The following HMGB1 variants were observed in gnomAD, a reference collection of about 807,000 sequenced individuals.
The protein encoded by HMGB1 is high mobility group protein B1.
For missense variants in HMGB1, 79 were observed against 253.5 expected, an observed-to-expected ratio of 0.31 and a Z score of 4.67; for synonymous variants, 81 against 84.0, an observed-to-expected ratio of 0.96 and a Z score of 0.19.
intron 1 of HMGB1, chr13:30,465,040 G>C (rs1431485780): frequency 6.7e-6 from 3 of 446,212 alleles, no homozygotes; most frequent in Non-Finnish European, 8.8e-6. Flanking sequence ...GAGAACGCGG[G>C]GCTGTGAAAA....
rs528892600 is a variant in HMGB1 at position 30,606,838 on chromosome 13, T to C, written c.-15+9833A>G. 5.3e-5 allele frequency among the ~76,000 whole-genome samples: 8 copies of C among 152,346 alleles called. No homozygotes were observed. The East Asian group carries it at 1.5e-3, about 29-fold the overall frequency. ...CATTGTCAGGTTATGTTAAAACATCTTCTGCCACAATCTTCAAGTGATTTA... is the reference window on the plus strand; with the variant it reads ...CATTGTCAGGTTATGTTAAAACATCCTCTGCCACAATCTTCAAGTGATTTA... On this transcript the variant is annotated intron_variant, in intron 1 of 4. Coordinates refer to the HMGB1 transcript ENST00000405805.
Position 30,483,255 on chromosome 13 carries a change from C to T in HMGB1, c.-14-19561G>A, listed in dbSNP as rs769065610. Among the ~76,000 whole-genome samples, 7 of 152,124 alleles carry T rather than the reference C, an allele frequency of 4.6e-5. No individual in the cohort carries two copies. In the East Asian group the frequency reaches 5.8e-4, roughly 13 times the overall value. On this transcript the variant is annotated intron_variant, in intron 1 of 4. Transcript: ENST00000405805. ...TCCACCAGGGCTTGGAAGCCTGGCA[C>T]GGCCATAAAGAATCACCTTTGTGCT...
intron 1 of HMGB1, among the ~76,000 whole-genome samples, chr13:30,582,422 A>G (rs1383842269): frequency 6.6e-6 from 1 of 151,980 alleles, no homozygotes; most frequent in Admixed American, 6.6e-5. Context: ...GCAGATCACG[A>G]GGTCAGGAGA....
intron 1 of HMGB1, among the ~76,000 whole-genome samples, chr13:30,508,265 G>C (rs566961310): frequency 6.6e-6 from 1 of 152,040 alleles, no homozygotes; most frequent in African/African-American, 2.4e-5. Context: ...TAATCTCAGC[G>C]CTTTGGGAGG....
chr13:30,522,845 A>G (rs1049764358), intron 1 of HMGB1, among the ~76,000 whole-genome samples: 23 of 151,670 alleles, frequency 1.5e-4, no homozygotes, highest in African/African-American at 4.8e-4. Flanking sequence ...CCTCCTGAGT[A>G]GCTGGGACTA....
chr13:30,490,141 C>T (rs1887453793), intron 1 of HMGB1, among the ~76,000 whole-genome samples: 1 of 151,480 alleles, frequency 6.6e-6, no homozygotes. Context: ...AATTCTTTGA[C>T]CTGTAAATTT....
At chr13:30,507,965 C>G (rs1887905803) in intron 1 of HMGB1, among the ~76,000 whole-genome samples, 1 of 152,140 alleles carries the variant, frequency 6.6e-6, no homozygotes, top group African/African-American at 2.4e-5. Context: ...CTACTACATT[C>G]CAGCCTGGGC....
chr13:30,492,524 A>C (rs1210508838), intron 1 of HMGB1, among the ~76,000 whole-genome samples: 2 of 152,202 alleles, frequency 1.3e-5, no homozygotes, highest in East Asian at 3.8e-4. Context: ...AAGATGCTCA[A>C]TATTGTTAGT....
chr13:30,517,427 C>T (rs897726205), intron 1 of HMGB1, among the ~76,000 whole-genome samples: 4 of 152,232 alleles, frequency 2.6e-5, no homozygotes, highest in Admixed American at 6.5e-5. Context: ...TGTTTTGAGA[C>T]GGAGTCTCGC....
intron 1 of HMGB1, among the ~76,000 whole-genome samples, chr13:30,550,426 G>T (rs1313747203): frequency 6.6e-6 from 1 of 152,230 alleles, no homozygotes; most frequent in Non-Finnish European, 1.5e-5. Flanking sequence ...TGGAATGAGA[G>T]TACATATCCT....
At chr13:30,609,387 A>G (rs1407964228) in intron 1 of HMGB1, among the ~76,000 whole-genome samples, 3 of 152,300 alleles carry the variant, frequency 2.0e-5, no homozygotes, top group African/African-American at 4.8e-5. Context: ...CATGCATGAA[A>G]CCCAAGCAGC....
At chr13:30,528,529 G>A (rs918243264) in intron 1 of HMGB1, among the ~76,000 whole-genome samples, 4 of 152,124 alleles carry the variant, frequency 2.6e-5, no homozygotes, top group Admixed American at 6.5e-5. Context: ...TTGACCAGAC[G>A]CCCGCATATG....
At chr13:30,495,575 T>C (rs1358460586) in intron 1 of HMGB1, among the ~76,000 whole-genome samples, 2 of 150,522 alleles carry the variant, frequency 1.3e-5, no homozygotes, top group Admixed American at 6.6e-5. Flanking sequence ...GCCTCCCGGG[T>C]TCACACCATT....
At chr13:30,577,652 T>G (rs1433494967) in intron 1 of HMGB1, among the ~76,000 whole-genome samples, 1 of 152,226 alleles carries the variant, frequency 6.6e-6, no homozygotes. Flanking sequence ...ATTCTGCCAC[T>G]GCCTGTGTAA....
At chr13:30,586,479 GTTTTTTTTTT>G (rs11315470) in intron 1 of HMGB1, among the ~76,000 whole-genome samples, 12 of 105,068 alleles carry the variant, frequency 1.1e-4, no homozygotes, top group African/African-American at 1.6e-4. Flanking sequence ...GGTTTTTTTT[GTTTTTTTTTT>G]TTTTTTTTTT....
intron 1 of HMGB1, among the ~76,000 whole-genome samples, chr13:30,482,040 G>A (rs1378083166): frequency 6.6e-6 from 1 of 152,094 alleles, no homozygotes; most frequent in African/African-American, 2.4e-5. Context: ...ATATTGGCCA[G>A]GCTGGTCTTG....
chr13:30,525,468 C>A (rs1294410184), intron 1 of HMGB1, among the ~76,000 whole-genome samples: 1 of 152,132 alleles, frequency 6.6e-6, no homozygotes, highest in African/African-American at 2.4e-5. Context: ...AGATCCTTGA[C>A]AGTAGGGCTC....
chr13:30,585,451 G>A (rs1871102833), intron 1 of HMGB1, among the ~76,000 whole-genome samples: 1 of 152,194 alleles, frequency 6.6e-6, no homozygotes, highest in African/African-American at 2.4e-5. Context: ...ACTTTGGGAG[G>A]CCAAGGTGGG....
At chr13:30,531,556 G>GTA (rs1555238032) in intron 1 of HMGB1, among the ~76,000 whole-genome samples, 1 of 135,514 alleles carries the variant, frequency 7.4e-6, no homozygotes, top group Non-Finnish European at 1.6e-5. Flanking sequence ...GTGTGTGTGT[G>GTA]TTTTCAGCGA....
Sources: gnomAD v4.1 joint callset for allele counts (sites outside exome capture counted in the v4.1 genomes callset) on GRCh38, gnomAD v4.1.1 for gene constraint, MANE v1.5 for transcripts, NCBI Gene and HGNC (gene_info 2026-07-23, HGNC 2026-07-21) for gene names.